Variants in TMEM235 observed in about 807,000 individuals in gnomAD.
TMEM235 encodes transmembrane protein 235.
TMEM235 carries 23 observed loss-of-function variants against 22.9 expected under a neutral mutation model. That is an observed-to-expected ratio of 1.00 (90% CI 0.72 to 1.42). TMEM235 has a LOEUF of 1.42. Among genes scored for constraint, TMEM235 ranks in the 40% most tolerant of loss-of-function variants. TMEM235 has a pLI of 0.00. For missense variants in TMEM235, 308 were observed against 299.5 expected (o/e 1.03, Z -0.21); for synonymous variants, 137 against 140.5 (o/e 0.98, Z 0.17).
chr17:78,236,867 C>T (rs1179687083), intron 4 of TMEM235, among the ~76,000 whole-genome samples: 1 of 151,144 alleles, frequency 6.6e-6, no homozygotes, highest in Non-Finnish European at 1.5e-5. Flanking sequence ...CACATGAGAA[C>T]AACAGTGAAG....
exon 2 of TMEM235, chr17:78,231,534 A>G (rs1212495491): frequency 7.7e-7 from 1 of 1,303,624 alleles, no homozygotes; most frequent in Non-Finnish European, 1.0e-6. Context: ...AGCCCGTGCC[A>G]GGCTCCTATG....
At chr17:78,239,701 T>C (rs1271338664) in intron 5 of TMEM235, 79 bp from the exon 5 acceptor site, 2 of 1,471,126 alleles carry the variant, frequency 1.4e-6, no homozygotes, top group East Asian at 5.0e-5. Flanking sequence ...GCCTGTTAAA[T>C]GCCGCAGGAC....
chr17:78,233,923 C>A (rs1207795931), exon 3 of TMEM235: 4 of 1,535,880 alleles, frequency 2.6e-6, no homozygotes, highest in Non-Finnish European at 3.5e-6. Flanking sequence ...CGCTGGTCGA[C>A]CCTTTTGCCA....
exon 2 of TMEM235, chr17:78,231,938 CG>C: frequency 9.9e-7 from 1 of 1,005,622 alleles, no homozygotes; most frequent in Non-Finnish European, 1.2e-6. Flanking sequence ...GCCCGCCCCC[CG>C]TCCCCCGGCT....
Position 78,231,431 on chromosome 17 carries a change from G to T in TMEM235, c.-592-1G>T, listed in dbSNP as rs1567871293. On this transcript the variant is annotated splice_acceptor_variant, in intron 1 of 5. Coordinates refer to ENST00000421688, the Ensembl canonical transcript of TMEM235. LOFTEE classifies it low-confidence loss of function (5UTR_SPLICE). Reference sequence around the variant, plus strand: ...CAAAACAAGGTTTTTTCCTTCCGCAGCCCCCCGCCCGGCTGTGGGGCCCAG... The same window carrying T: ...CAAAACAAGGTTTTTTCCTTCCGCATCCCCCCGCCCGGCTGTGGGGCCCAG... 1.5e-6 allele frequency: 2 copies of T among 1,292,844 alleles called. No individual in the cohort carries two copies. The highest frequency in any genetic ancestry group is 2.0e-6 in the Non-Finnish European group (2 of 983,858). 80.1% of individuals were successfully genotyped at this position (1,292,844 alleles called of 1,614,324 possible). A position where few individuals can be genotyped will look rare whatever the true frequency, so the allele number is the denominator to read the frequency against.
At chr17:78,231,396 T>C (rs2076576826) in intron 1 of TMEM235, 8 of 1,273,018 alleles carry the variant, frequency 6.3e-6, no homozygotes, top group African/African-American at 3.1e-5. Flanking sequence ...TTTGTAATTA[T>C]GAGTGAATCC....
exon 5 of TMEM235, chr17:78,239,197 C>T: frequency 6.5e-7 from 1 of 1,543,270 alleles, no homozygotes; most frequent in Non-Finnish European, 8.7e-7. Context: ...CGGAACCCTC[C>T]TGCTCTCAGC....
At chr17:78,231,931 C>A in exon 2 of TMEM235, 1 of 994,762 alleles carries the variant, frequency 1.0e-6, no homozygotes, top group South Asian at 4.6e-5. Flanking sequence ...CGCGCCCGCC[C>A]GCCCCCCGTC....
chr17:78,234,296 C>G (rs756259463), intron 3 of TMEM235: 1 of 689,966 alleles, frequency 1.4e-6, no homozygotes, highest in Non-Finnish European at 2.6e-6. Flanking sequence ...ATTTAGGACT[C>G]GATTCTTCCA....
chr17:78,240,103 C>T, exon 6 of TMEM235: 1 of 1,371,628 alleles, frequency 7.3e-7, no homozygotes, highest in Non-Finnish European at 9.6e-7. Context: ...GCTGCTGCTT[C>T]CGGCCCCCGA....
exon 6 of TMEM235, chr17:78,240,981 A>T (rs1368724635): frequency 2.6e-5 from 4 of 152,292 alleles, no homozygotes; most frequent in African/African-American, 9.6e-5. Flanking sequence ...GTGAGCAAAC[A>T]CTGTCACCAG....
intron 4 of TMEM235, among the ~76,000 whole-genome samples, chr17:78,235,570 A>G (rs957336427): frequency 1.4e-4 from 20 of 146,812 alleles, no homozygotes; most frequent in African/African-American, 5.0e-4. Context: ...TATAGGTGTG[A>G]GGCACCGTTC....
exon 2 of TMEM235, chr17:78,231,907 G>T: frequency 2.0e-6 from 2 of 993,852 alleles, no homozygotes; most frequent in Non-Finnish European, 2.4e-6. Flanking sequence ...GTGCTCAGAA[G>T]AGCCGGGCGC....
chr17:78,240,986 C>T (rs2145932145), exon 6 of TMEM235: 1 of 152,410 alleles, frequency 6.6e-6, no homozygotes, highest in East Asian at 1.9e-4. Flanking sequence ...CAAACACTGT[C>T]ACCAGCTGTG....
intron 4 of TMEM235, 46 bp downstream of exon 3, chr17:78,234,776 G>C: frequency 6.5e-7 from 1 of 1,534,484 alleles, no homozygotes; most frequent in South Asian, 1.2e-5. Flanking sequence ...TGGGAGCTGG[G>C]CCACAGGTCC....
exon 4 of TMEM235, chr17:78,234,611 T>C (rs1399712845): frequency 1.3e-6 from 2 of 1,536,200 alleles, no homozygotes; most frequent in Non-Finnish European, 1.7e-6. Context: ...CGTGCAGTCA[T>C]TGTGGTCCTG....
exon 2 of TMEM235, chr17:78,232,179 C>T: frequency 6.7e-7 from 1 of 1,493,146 alleles, no homozygotes. Context: ...CAGAGCTGCT[C>T]TCCTCGCACT....
rs2076654020 is a variant in TMEM235 at position 78,237,200 on chromosome 17, C to G, written c.410-1824C>G. On this transcript the variant is annotated intron_variant, in intron 4 of 5. Transcript: ENST00000421688. The surrounding 1 kb of genome is among the most constrained non-coding windows in gnomAD (Gnocchi z 4.7). ...CAGCTGTGGGCCGAAGCACAGAGGG[C>G]TCTCAGGATGTCACACCAAAGGCAC... is the stretch of plus-strand genomic sequence containing the variant. Among the ~76,000 whole-genome samples the G allele has an allele frequency of 6.6e-6, 1 of 152,122 alleles. No individual in the cohort carries two copies. Among genetic ancestry groups the G allele is most frequent in the African/African-American group, 2.4e-5 (1 of 41,438 alleles).
rs903802797 is a variant in TMEM235 at position 78,233,752 on chromosome 17, T to C, written c.191-143T>C. 4.7e-6 allele frequency: 3 copies of C among 635,640 alleles called. No individual in the cohort carries two copies. The African/African-American group carries it at 5.6e-5, about 12-fold the overall frequency. The allele number at this position is 635,640 out of a possible 1,614,324, so 39.4% of individuals were successfully genotyped here. On this transcript the variant is annotated intron_variant, in intron 2 of 5. Coordinates refer to ENST00000421688, the Ensembl canonical transcript of TMEM235. The stretch of plus-strand genomic sequence containing the variant: ...AGGCTAAAGGTCTTGGGCCTTTTCA[T>C]CCCACTTGGAGTCCCAGCCCTGAGT...
Sources: allele counts gnomAD v4.1 joint callset (sites outside exome capture counted in the v4.1 genomes callset), GRCh38; gene constraint gnomAD v4.1.1; non-coding constraint Gnocchi (gnomAD v3.1); transcripts MANE v1.5; gene names NCBI Gene and HGNC (gene_info 2026-07-23, HGNC 2026-07-21).